Variants in FAM120B observed in about 807,000 individuals in gnomAD.
FAM120B encodes constitutive coactivator of peroxisome proliferator-activated receptor gamma.
A neutral mutation model predicts 96.3 loss-of-function variants in FAM120B; 83 were observed. The ratio of observed to expected loss-of-function variants is 0.86; its 90% CI spans 0.72 to 1.03. The LOEUF (loss-of-function observed/expected upper bound fraction) is 1.03, where lower values mean the gene tolerates loss of function less well. Ranked by LOEUF, FAM120B falls within the 50% of genes least tolerant of loss-of-function variation. The pLI, the probability that FAM120B is intolerant of heterozygous loss-of-function variation, is 0.00. For missense variants in FAM120B, 1,027 were observed against 1,121.2 expected (o/e 0.92, Z 1.20); for synonymous variants, 407 against 402.7 (o/e 1.01, Z -0.13).
chr6:170,292,375 G>C (rs1456736941), upstream of FAM120B, among the ~76,000 whole-genome samples: 1 of 152,158 alleles, frequency 6.6e-6, no homozygotes, highest in African/African-American at 2.4e-5. This position sits in a 1 kb window ranked among gnomAD's most constrained non-coding sequence, Gnocchi z 6.6. Flanking sequence ...ACCTAGCTTT[G>C]CACTTCTCCC....
At chr6:170,303,518 A>G (rs1784186201), upstream of FAM120B, among the ~76,000 whole-genome samples, 1 of 152,248 alleles carries the variant, frequency 6.6e-6, no homozygotes, top group Non-Finnish European at 1.5e-5. Flanking sequence ...CTGGCATTAC[A>G]GGCATGAGCC....
chr6:170,380,723 G>A (rs1193218990), intron 6 of FAM120B, among the ~76,000 whole-genome samples: 2 of 152,200 alleles, frequency 1.3e-5, no homozygotes, highest in African/African-American at 4.8e-5. Flanking sequence ...AGTTGTGTGA[G>A]TTCCTTACAT....
At chr6:170,302,872 GA>G (rs1386109450), upstream of FAM120B, among the ~76,000 whole-genome samples, 1 of 152,200 alleles carries the variant, frequency 6.6e-6, no homozygotes, top group Non-Finnish European at 1.5e-5. Context: ...TTGTTACACT[GA>G]TTTCTGCATG....
intron 4 of FAM120B, among the ~76,000 whole-genome samples, chr6:170,332,075 A>G (rs1020663956): frequency 6.6e-6 from 1 of 152,170 alleles, no homozygotes; most frequent in African/African-American, 2.4e-5. Context: ...CGTCTTAAAC[A>G]CACTCATTTC....
At chr6:170,383,501 A>G (rs1476348816) in intron 6 of FAM120B, among the ~76,000 whole-genome samples, 1 of 152,216 alleles carries the variant, frequency 6.6e-6, no homozygotes, top group East Asian at 1.9e-4. Flanking sequence ...AAAGATAGAC[A>G]TTTTACCAAA....
intron 8 of FAM120B, among the ~76,000 whole-genome samples, chr6:170,392,226 A>G (rs1379593435): frequency 6.6e-6 from 1 of 151,910 alleles, no homozygotes; most frequent in Non-Finnish European, 1.5e-5. Flanking sequence ...TGTTTTTTTG[A>G]GATGGAGTTT....
chr6:170,382,189 A>T (rs1302617097), intron 6 of FAM120B, among the ~76,000 whole-genome samples: 5 of 152,156 alleles, frequency 3.3e-5, no homozygotes. Flanking sequence ...GGGAGGCTGA[A>T]TTAAGAGGAT....
intron 1 of FAM120B, among the ~76,000 whole-genome samples, chr6:170,308,412 A>G (rs1367014616): frequency 6.6e-6 from 1 of 152,114 alleles, no homozygotes; most frequent in African/African-American, 2.4e-5. Flanking sequence ...AATCTTCCAG[A>G]CATACTGAAA....
chr6:170,311,906 C>T (rs1784620816), intron 1 of FAM120B, among the ~76,000 whole-genome samples: 2 of 152,194 alleles, frequency 1.3e-5, no homozygotes, highest in Admixed American at 6.5e-5. Context: ...GACTCAGCAG[C>T]TTCCTAACAT....
intron 1 of FAM120B, among the ~76,000 whole-genome samples, chr6:170,297,281 GC>G (rs1784036808): frequency 6.6e-6 from 1 of 152,192 alleles, no homozygotes; most frequent in African/African-American, 2.4e-5. Context: ...GGAGAGCGCG[GC>G]CGTGGAAGCT....
At chr6:170,346,246 C>G (rs1787179349) in intron 4 of FAM120B, among the ~76,000 whole-genome samples, 1 of 151,878 alleles carries the variant, frequency 6.6e-6, no homozygotes. Flanking sequence ...AAAATCTTTC[C>G]ACTGTCCATC....
chr6:170,353,836 G>T (rs1370818494), intron 5 of FAM120B, among the ~76,000 whole-genome samples: 1 of 152,096 alleles, frequency 6.6e-6, no homozygotes, highest in East Asian at 1.9e-4. Flanking sequence ...TGTGAAAATG[G>T]CCATATGGCC....
intron 1 of FAM120B, among the ~76,000 whole-genome samples, chr6:170,315,951 G>T (rs1232494994): frequency 6.7e-6 from 1 of 149,782 alleles, no homozygotes; most frequent in East Asian, 2.0e-4. Context: ...GCCAGGTGTG[G>T]TGGCAGCTAA....
At chr6:170,360,545 C>T (rs1254389315) in intron 6 of FAM120B, among the ~76,000 whole-genome samples, 1 of 152,180 alleles carries the variant, frequency 6.6e-6, no homozygotes, top group East Asian at 1.9e-4. Flanking sequence ...CATAAGTACG[C>T]AGCCATCACA....
chr6:170,329,318 TAGAG>T (rs1332046167), intron 3 of FAM120B, among the ~76,000 whole-genome samples: 5 of 152,354 alleles, frequency 3.3e-5, no homozygotes, highest in African/African-American at 4.8e-5. Context: ...ATTGGCGTGA[TAGAG>T]AGTTGTTTCC....
Position 170,388,470 on chromosome 6 carries a change from G to A in FAM120B, c.2467G>A (p.Val823Met), listed in dbSNP as rs1790317366. The part of the protein sequence containing the change: ...KYLQSEKGYA[V>M]EVLLEQNRSR... ...CTTGCAATCTGAAAAGGGTTATGCT[G>A]TGGAGGTTCTTTTAGAACAAAATGT... The change falls in exon 7 of 11, where the codon GTG (valine) becomes ATG (methionine). Residue 823 changes from valine to methionine, a missense_variant. Val to Met is a conservative substitution (Grantham distance 21, BLOSUM62 1). Coordinates refer to ENST00000476287, the MANE Select transcript of FAM120B (RefSeq NM_032448.3). 6.2e-7 allele frequency: 1 copy of A among 1,614,160 alleles called. No homozygotes were observed. The highest frequency in any genetic ancestry group is 8.5e-7 in the Non-Finnish European group (1 of 1,180,020).
chr6:170,364,457 G>A (rs1204619977), intron 6 of FAM120B, among the ~76,000 whole-genome samples: 1 of 152,182 alleles, frequency 6.6e-6, no homozygotes, highest in Admixed American at 6.5e-5. Context: ...TGAGGAAAGG[G>A]ACAGTGTTCT....
chr6:170,361,198 G>GTATATATATA lies in FAM120B; in HGVS notation c.2283+2909_2283+2918dup, dbSNP rs71010657. On this transcript the variant is annotated intron_variant, in intron 6 of 10. Coordinates refer to ENST00000476287, the MANE Select transcript of FAM120B (RefSeq NM_032448.3). ...GCCTTAAAACTATATATATATACGT[G>GTATATATATA]TATATATATATATATATATATATAT... Among the ~76,000 whole-genome samples the GTATATATATA allele has an allele frequency of 6.0e-3, 396 of 65,792 alleles. 4 individuals carry two copies. The highest frequency in any genetic ancestry group is 7.2e-3 in the Non-Finnish European group (256 of 35,688). 43.2% of individuals were successfully genotyped at this position (65,792 alleles called of 152,430 possible).
intron 1 of FAM120B, among the ~76,000 whole-genome samples, chr6:170,314,497 T>C (rs1013058567): frequency 8.5e-5 from 13 of 152,232 alleles, no homozygotes; most frequent in Non-Finnish European, 1.6e-4. Flanking sequence ...GACTCCTCCC[T>C]AATGAGAAAT....
Sources: gnomAD v4.1 joint callset for allele counts (sites outside exome capture counted in the v4.1 genomes callset) on GRCh38, gnomAD v4.1.1 for gene constraint, Gnocchi (gnomAD v3.1) non-coding constraint, MANE v1.5 for transcripts, NCBI Gene and HGNC (gene_info 2026-07-23, HGNC 2026-07-21) for gene names.